Variants in TRERF1 observed in about 807,000 individuals in gnomAD.
TRERF1 encodes transcriptional regulating factor 1.
TRERF1 carries 27 observed loss-of-function variants against 122.9 expected under a neutral mutation model. The observed-to-expected ratio is 0.22, with a 90% CI of 0.16 to 0.30. The LOEUF is 0.30. TRERF1 is among the 10% of genes least tolerant of loss of function. The pLI is 1.00. For synonymous variants in TRERF1, 636 were observed against 641.7 expected, an observed-to-expected ratio of 0.99 and a Z score of 0.13; for missense variants, 1,248 against 1,560.3, an observed-to-expected ratio of 0.80 and a Z score of 3.37.
chr6:42,359,687 AC>A (rs1368331447), intron 3 of TRERF1, among the ~76,000 whole-genome samples: 3 of 152,116 alleles, frequency 2.0e-5, no homozygotes, highest in African/African-American at 7.2e-5. Flanking sequence ...TCGCACCACA[AC>A]ACTCTAGCCT....
At chr6:42,236,253 C>G in exon 16 of TRERF1, 1 of 1,611,896 alleles carries the variant, frequency 6.2e-7, no homozygotes, top group Non-Finnish European at 8.5e-7. Context: ...AGGGCTGGCC[C>G]AGGGCCTGCA....
rs1582058866 is a variant in TRERF1, at chr6:42,408,596, T to TC, written c.-454+42580dup. On this transcript the variant is annotated intron_variant, in intron 2 of 17. Coordinates refer to ENST00000372922, the Ensembl canonical transcript of TRERF1. ...TTTTGCCATGTTGGCCAGGCTGATC[T>TC]CCAACTCCTGACTTCAGGTGATCCA... Among the ~76,000 whole-genome samples the TC allele has an allele frequency of 2.6e-5, 4 of 152,074 alleles. No homozygotes were observed. In the East Asian group the frequency reaches 7.7e-4, roughly 29 times the overall value.
chr6:42,329,151 A>G (rs924909091), intron 3 of TRERF1, among the ~76,000 whole-genome samples: 1 of 151,570 alleles, frequency 6.6e-6, no homozygotes, highest in African/African-American at 2.4e-5. Context: ...CAGGTGGTCC[A>G]ACTCGTCTTG....
chr6:42,232,890 C>T lies in TRERF1; in HGVS notation c.3069G>A (p.Val1023=). Residue 1023 remains valine (V), a splice_region_variant and synonymous_variant, in exon 17 of 18, where the codon GTG becomes GTA. Transcript: ENST00000372922. The surrounding 1 kb of genome is among the most constrained non-coding windows in gnomAD (Gnocchi z 4.5). The stretch of plus-strand genomic sequence containing the variant: ...CATTCAGTGCCTGTCGGGAGCTGAA[C>T]ACCTGGGGAAGAAAGGGAGTGACAT... 1 of 1,596,308 alleles carries T rather than the reference C, an allele frequency of 6.3e-7. No homozygotes were observed. The highest frequency in any genetic ancestry group is 8.5e-7 in the Non-Finnish European group (1 of 1,169,928).
chr6:42,449,726 C>G (rs1159769015), intron 2 of TRERF1, among the ~76,000 whole-genome samples: 2 of 152,146 alleles, frequency 1.3e-5, no homozygotes, highest in Non-Finnish European at 2.9e-5. Flanking sequence ...ATTTGATAAG[C>G]AGCAATAATA....
intron 4 of TRERF1, among the ~76,000 whole-genome samples, chr6:42,271,009 C>A (rs539338163): frequency 2.0e-5 from 3 of 151,452 alleles, no homozygotes; most frequent in African/African-American, 7.3e-5. Context: ...CCTCATGATC[C>A]GCCTGTCTCT....
chr6:42,315,708 C>CA lies in TRERF1; in HGVS notation c.-370-14960_-370-14959insT, dbSNP rs1428894217. Among the ~76,000 whole-genome samples the CA allele has an allele frequency of 1.0e-3, 74 of 72,000 alleles. 1 individual carries two copies. The highest frequency in any genetic ancestry group is 1.4e-3 in the Non-Finnish European group (44 of 32,510). The allele number at this position is 72,000 out of a possible 152,430, so 47.2% of individuals were successfully genotyped here. A position where few individuals can be genotyped will look rare whatever the true frequency, so the allele number is the denominator to read the frequency against. On this transcript the variant is annotated intron_variant, in intron 3 of 17. Transcript: ENST00000372922. ...TCAGGGTTGGGGAGAGGAACACCAC[C>CA]CCCCCCCCCACCCACTGCCACCCCC...
At chr6:42,419,071 A>C (rs983980337) in intron 2 of TRERF1, among the ~76,000 whole-genome samples, 2 of 152,222 alleles carry the variant, frequency 1.3e-5, no homozygotes, top group Non-Finnish European at 2.9e-5. Flanking sequence ...GCACTTAACC[A>C]GTGAGAATCC....
intron 3 of TRERF1, among the ~76,000 whole-genome samples, chr6:42,330,728 A>G (rs947970534): frequency 6.6e-6 from 1 of 152,160 alleles, no homozygotes; most frequent in African/African-American, 2.4e-5. Flanking sequence ...GTGCAGTGGC[A>G]TAATCTTGGC....
rs574974942 is a variant in TRERF1 at position 42,382,152 on chromosome 6, T to C, written c.-453-19073A>G. 4.6e-5 allele frequency among the ~76,000 whole-genome samples: 7 copies of C among 151,354 alleles called. No homozygotes were observed. The East Asian group carries it at 1.4e-3, about 30-fold the overall frequency. On this transcript the variant is annotated intron_variant, in intron 2 of 17. Transcript: ENST00000372922. ...GTTCCCAAGTGTGGTACCCAAATCC[T>C]TGGGTGTTTCTACGGTTCCTCGGAG...
chr6:42,257,161 G>C, intron 10 of TRERF1, 59 bp from the exon 11 acceptor site: 1 of 1,589,064 alleles, frequency 6.3e-7, no homozygotes, highest in Admixed American at 1.8e-5. Context: ...CTCAGGCCAA[G>C]GGCAACTGTC....
rs896882066 is a variant in TRERF1, at chr6:42,228,742, G to A, written c.3279-73C>T. The A allele has an allele frequency of 1.2e-5, 17 of 1,435,106 alleles. No homozygotes were observed. Among genetic ancestry groups the A allele is most frequent in the Non-Finnish European group, 1.6e-5 (17 of 1,066,190 alleles). The allele number at this position is 1,435,106 out of a possible 1,614,324, so 88.9% of individuals were successfully genotyped here. ...GTTCTTGGAAATCCAGGTGTCCTAC[G>A]GGGAATGGGGGTGTGTGGTCTGACA... is the stretch of plus-strand genomic sequence containing the variant. On this transcript the variant is annotated intron_variant, in intron 17 of 17. Transcript: ENST00000372922. This position sits in a 1 kb window ranked among gnomAD's most constrained non-coding sequence, Gnocchi z 4.2.
At chr6:42,229,762 G>A (rs1377774525) in intron 17 of TRERF1, among the ~76,000 whole-genome samples, 1 of 152,190 alleles carries the variant, frequency 6.6e-6, no homozygotes, top group Admixed American at 6.5e-5. Flanking sequence ...CAACAGTGCT[G>A]AGGTTGAGAA....
intron 3 of TRERF1, among the ~76,000 whole-genome samples, chr6:42,360,476 C>A (rs1477021493): frequency 6.6e-6 from 1 of 152,204 alleles, no homozygotes; most frequent in African/African-American, 2.4e-5. Context: ...TCCTGCCTGA[C>A]ACTATACCAC....
At chr6:42,264,794 G>A in exon 7 of TRERF1, 1 of 1,614,240 alleles carries the variant, frequency 6.2e-7, no homozygotes, top group Non-Finnish European at 8.5e-7. Flanking sequence ...TCAGGCAGAT[G>A]GAGCATGTCA....
At chr6:42,384,701 A>G (rs1776500206) in intron 2 of TRERF1, among the ~76,000 whole-genome samples, 1 of 152,232 alleles carries the variant, frequency 6.6e-6, no homozygotes, top group Admixed American at 6.5e-5. Flanking sequence ...TGCATGCAAC[A>G]CGCATTATAG....
At chr6:42,253,862 A>G (rs1776260331) in intron 13 of TRERF1, among the ~76,000 whole-genome samples, 1 of 152,252 alleles carries the variant, frequency 6.6e-6, no homozygotes, top group African/African-American at 2.4e-5. Context: ...TAGGTCCCCA[A>G]GCCCACATAT....
At chr6:42,260,021 T>C (rs996730357) in intron 8 of TRERF1, among the ~76,000 whole-genome samples, 4 of 152,252 alleles carry the variant, frequency 2.6e-5, no homozygotes, top group African/African-American at 9.6e-5. Flanking sequence ...TGCTTATCAC[T>C]ACATTCCCAT....
intron 3 of TRERF1, among the ~76,000 whole-genome samples, chr6:42,316,044 C>G (rs1762437247): frequency 6.6e-6 from 1 of 152,126 alleles, no homozygotes; most frequent in Non-Finnish European, 1.5e-5. Flanking sequence ...TTCTCTGCTC[C>G]ACTGGGGGTG....
Sources: gnomAD v4.1 joint callset for allele counts (sites outside exome capture counted in the v4.1 genomes callset) on GRCh38, gnomAD v4.1.1 for gene constraint, Gnocchi (gnomAD v3.1) non-coding constraint, MANE v1.5 for transcripts, NCBI Gene and HGNC (gene_info 2026-07-23, HGNC 2026-07-21) for gene names.